ABCG1: variants seen among roughly 807,000 people sequenced by gnomAD.
ABCG1 encodes ATP binding cassette subfamily G member 1, also known as ATP-binding cassette sub-family G member 1.
In ABCG1, 29 loss-of-function variants were observed where a neutral mutation model predicts 69.2. The ratio of observed to expected loss-of-function variants is 0.42; its 90% CI spans 0.31 to 0.57. The LOEUF (loss-of-function observed/expected upper bound fraction) is 0.57. Ranked by LOEUF, ABCG1 falls within the 20% of genes least tolerant of loss-of-function variation. ABCG1 has a pLI of 0.15. For synonymous variants in ABCG1, 370 were observed against 374.8 expected, an observed-to-expected ratio of 0.99 and a Z score of 0.15; for missense variants, 718 against 898.1, an observed-to-expected ratio of 0.80 and a Z score of 2.56.
rs776426107 is a variant in ABCG1 at position 42,281,043 on chromosome 21, G to A, written c.589-1231G>A. Among the ~76,000 whole-genome samples the A allele has an allele frequency of 4.5e-4, 69 of 152,356 alleles. 1 individual carries two copies. Among genetic ancestry groups the A allele is most frequent in the Admixed American group, 2.5e-3 (38 of 15,314 alleles). ...TCAGGACAGGGCTGGAGCCCAGGTC[G>A]GCTGACCCTGTACTGCCACCTGCCC... is the stretch of plus-strand genomic sequence containing the variant. On this transcript the variant is annotated intron_variant, in intron 5 of 14. Transcript: ENST00000398449.
chr21:42,244,812 C>A (rs1408966727), intron 2 of ABCG1, among the ~76,000 whole-genome samples: 2 of 152,198 alleles, frequency 1.3e-5, no homozygotes, highest in African/African-American at 4.8e-5. Flanking sequence ...AGTGACCTTC[C>A]CTATGGGAGA....
At chr21:42,269,206 G>A (rs970248103) in intron 2 of ABCG1, among the ~76,000 whole-genome samples, 1 of 152,204 alleles carries the variant, frequency 6.6e-6, no homozygotes, top group Admixed American at 6.5e-5. Flanking sequence ...ACAAGAGATG[G>A]TAAAGCAGGT....
intron 2 of ABCG1, among the ~76,000 whole-genome samples, chr21:42,231,690 G>C (rs2067903188): frequency 6.6e-6 from 1 of 152,240 alleles, no homozygotes; most frequent in Non-Finnish European, 1.5e-5. Context: ...AGGGAGGGGA[G>C]GCAGCCCGGT....
chr21:42,269,942 AC>A (rs1200439538), intron 2 of ABCG1, among the ~76,000 whole-genome samples: 3 of 152,218 alleles, frequency 2.0e-5, no homozygotes, highest in African/African-American at 7.2e-5. Flanking sequence ...TGATCATTTA[AC>A]AGTGGATTCT....
chr21:42,274,952 C>T lies in ABCG1; in HGVS notation c.537+1517C>T, dbSNP rs116853272. Among the ~76,000 whole-genome samples, 766 of 152,272 alleles carry T rather than the reference C, an allele frequency of 5.0e-3. 4 individuals are homozygous for T. Among genetic ancestry groups the T allele is most frequent in the Non-Finnish European group, 8.2e-3 (559 of 68,026 alleles). On this transcript the variant is annotated intron_variant, in intron 4 of 14. Coordinates refer to ENST00000398449, the MANE Select transcript of ABCG1 (RefSeq NM_016818.3). The stretch of plus-strand genomic sequence containing the variant: ...GGACTGTTTATATTTCTGCTTCCTC[C>T]TTGTTCGCTGCAAAAGAAGAGTCCC...
At chr21:42,259,581 C>T in intron 2 of ABCG1, 1 of 1,475,578 alleles carries the variant, frequency 6.8e-7, no homozygotes. Context: ...AGTGGCATTG[C>T]CTCTGCGGAG....
At position 42,287,229 on chromosome 21, in the gene ABCG1, G is replaced by A. The variant is rs1348048691; in HGVS notation, c.974-660G>A. On this transcript the variant is annotated intron_variant, in intron 8 of 14. Coordinates refer to ENST00000398449, the MANE Select transcript of ABCG1 (RefSeq NM_016818.3). This position sits in a 1 kb window ranked among gnomAD's most constrained non-coding sequence, Gnocchi z 6.2. Reference sequence around the variant, plus strand: ...GGCCAGTCACCACGGGAGTGTGGAAGGAGTTGCAGGCTGCAGAGGAAGTCC... The same window carrying A: ...GGCCAGTCACCACGGGAGTGTGGAAAGAGTTGCAGGCTGCAGAGGAAGTCC... 6.6e-6 allele frequency among the ~76,000 whole-genome samples: 1 copy of A among 152,176 alleles called. No homozygotes were observed.
At chr21:42,283,398 C>T (rs887118646) in intron 6 of ABCG1, among the ~76,000 whole-genome samples, 4 of 152,158 alleles carry the variant, frequency 2.6e-5, no homozygotes, top group African/African-American at 9.7e-5. Flanking sequence ...CCGGGCCTGT[C>T]ACTTCAGAGT....
Position 42,219,155 on chromosome 21 carries a change from C to A in ABCG1, c.-108C>A. ...GATCCCAGCCGGAGCCCAAGCGCAG[C>A]CCGCACCCCGCGCAGCGGCTGAGCC... On this transcript the variant is annotated 5_prime_UTR_variant, in exon 1 of 15. Coordinates refer to ENST00000398449, the MANE Select transcript of ABCG1 (RefSeq NM_016818.3). The surrounding 1 kb of genome is among the most constrained non-coding windows in gnomAD (Gnocchi z 5.3). The A allele has an allele frequency of 9.5e-7, 1 of 1,054,648 alleles. No homozygotes were observed. The highest frequency in any genetic ancestry group is 1.2e-6 in the Non-Finnish European group (1 of 842,058). The allele number at this position is 1,054,648 out of a possible 1,614,324, so 65.3% of individuals were successfully genotyped here. A position where few individuals can be genotyped will look rare whatever the true frequency, so the allele number is the denominator to read the frequency against.
chr21:42,216,213 T>C (rs8129302), upstream of ABCG1: 253 of 438,772 alleles, frequency 5.8e-4, no homozygotes, highest in African/African-American at 4.7e-3. Flanking sequence ...TCTCTTTCCT[T>C]TGTAAATTGC....
At chr21:42,222,383 G>A (rs1052877017) in intron 1 of ABCG1, among the ~76,000 whole-genome samples, 13 of 152,220 alleles carry the variant, frequency 8.5e-5, no homozygotes, top group African/African-American at 3.1e-4. Flanking sequence ...GTGGTCAACT[G>A]TATGCATTGC....
At chr21:42,269,005 G>T (rs150996092) in intron 2 of ABCG1, among the ~76,000 whole-genome samples, 2,686 of 152,286 alleles carry the variant, frequency 0.018, 34 homozygotes, top group South Asian at 0.029. Flanking sequence ...GGTGGGCCCT[G>T]CCTGCCCTGG....
Position 42,243,441 on chromosome 21 carries a change from T to TGC in ABCG1, c.286+17528_286+17529insCG, listed in dbSNP as rs777051417. Among the ~76,000 whole-genome samples, 419 of 107,470 alleles carry TGC rather than the reference T, an allele frequency of 3.9e-3. 2 individuals carry two copies. The highest frequency in any genetic ancestry group is 0.015 in the Admixed American group (169 of 11,034). 70.5% of individuals were successfully genotyped at this position (107,470 alleles called of 152,430 possible). A position where few individuals can be genotyped will look rare whatever the true frequency, so the allele number is the denominator to read the frequency against. ...CAGAACCATATTTTAATACCGTGTG[T>TGC]GTGCGCGTGTGTGTGTGTGTGTGTG... On this transcript the variant is annotated intron_variant, in intron 2 of 14. Coordinates refer to ENST00000398449, the MANE Select transcript of ABCG1 (RefSeq NM_016818.3).
At chr21:42,234,109 T>G (rs2067941176) in intron 2 of ABCG1, among the ~76,000 whole-genome samples, 1 of 152,190 alleles carries the variant, frequency 6.6e-6, no homozygotes, top group South Asian at 2.1e-4. Flanking sequence ...CTTTGCCTCA[T>G]TAAGCCTTTG....
chr21:42,253,243 G>T (rs2068251407), intron 2 of ABCG1, among the ~76,000 whole-genome samples: 2 of 152,178 alleles, frequency 1.3e-5, no homozygotes, highest in Admixed American at 6.5e-5. Context: ...GAAACATAAA[G>T]ACCAGGTCAG....
chr21:42,267,998 T>C (rs893223103), intron 2 of ABCG1, among the ~76,000 whole-genome samples: 44 of 152,122 alleles, frequency 2.9e-4, no homozygotes, highest in Admixed American at 2.6e-4. Context: ...TGGCCTGGGT[T>C]GTGTCTAAGC....
intron 5 of ABCG1, among the ~76,000 whole-genome samples, chr21:42,280,660 G>GA (rs2068791893): frequency 6.6e-6 from 1 of 152,242 alleles, no homozygotes; most frequent in Non-Finnish European, 1.5e-5. Context: ...CTCATGGGCA[G>GA]GGGTGCGGAG....
intron 14 of ABCG1, among the ~76,000 whole-genome samples, chr21:42,295,546 G>A (rs1018275449): frequency 2.6e-5 from 4 of 152,160 alleles, no homozygotes; most frequent in African/African-American, 9.7e-5. Flanking sequence ...CCCATCTTCC[G>A]AGCTGCAGAA....
chr21:42,242,449 T>G (rs1381900342), intron 2 of ABCG1, among the ~76,000 whole-genome samples: 1 of 152,166 alleles, frequency 6.6e-6, no homozygotes, highest in African/African-American at 2.4e-5. Context: ...TGCAGTAAGC[T>G]ATGATAGCAC....
Sources: gnomAD v4.1 joint callset for allele counts (sites outside exome capture counted in the v4.1 genomes callset) on GRCh38, gnomAD v4.1.1 for gene constraint, Gnocchi (gnomAD v3.1) non-coding constraint, MANE v1.5 for transcripts, NCBI Gene and HGNC (gene_info 2026-07-23, HGNC 2026-07-21) for gene names.